NUP160: variants seen among roughly 807,000 people sequenced by gnomAD.
NUP160 encodes the protein nuclear pore complex protein Nup160.
Under a neutral mutation model 196.9 loss-of-function variants are expected in NUP160, and 94 were observed. The ratio of observed to expected loss-of-function variants is 0.48; its 90% CI spans 0.40 to 0.57. The LOEUF (loss-of-function observed/expected upper bound fraction) is 0.57. Ranked by LOEUF, NUP160 falls within the 20% of genes least tolerant of loss-of-function variation. The pLI is 0.00. For synonymous variants in NUP160, 605 were observed against 619.7 expected (o/e 0.98, Z 0.35); for missense variants, 1,638 against 1,748.3 (o/e 0.94, Z 1.13).
intron 3 of NUP160, 24 bp from the exon 4 acceptor site, chr11:47,840,089 A>G: frequency 3.9e-6 from 6 of 1,553,798 alleles, no homozygotes; most frequent in Non-Finnish European, 5.3e-6. Context: ...AAAAAGAAAA[A>G]TCTATTAAAT....
chr11:47,815,906 G>C, intron 12 of NUP160, 40 bp downstream of exon 12: 4 of 1,480,806 alleles, frequency 2.7e-6, no homozygotes, highest in Non-Finnish European at 3.8e-6. Context: ...CCTATATCAA[G>C]ATGGAAGGAA....
At chr11:47,817,965 G>C (rs1851772112) in intron 11 of NUP160, 91 bp downstream of exon 11, 1 of 677,166 alleles carries the variant, frequency 1.5e-6, no homozygotes, top group Admixed American at 2.6e-5. Context: ...AGTACATTCA[G>C]TGTTTAATAT....
intron 2 of NUP160, chr11:47,841,409 A>G (rs1384595095): frequency 1.1e-5 from 5 of 465,390 alleles, no homozygotes; most frequent in Non-Finnish European, 2.1e-5. Context: ...AACCGCTCAG[A>G]ATTCATCTCC....
chr11:47,837,996 C>T (rs1852209187), intron 4 of NUP160, among the ~76,000 whole-genome samples: 2 of 152,190 alleles, frequency 1.3e-5, no homozygotes, highest in Admixed American at 1.3e-4. Flanking sequence ...TCCTGTCCTC[C>T]TGGAACTTAT....
chr11:47,779,123 T>C (rs1180972546), exon 36 of NUP160: 1 of 1,613,472 alleles, frequency 6.2e-7, no homozygotes, highest in Non-Finnish European at 8.5e-7. Context: ...TCCGACGATA[T>C]AATAAATCCC....
At chr11:47,814,949 G>GGCC (rs1181380762) in intron 13 of NUP160, 1 of 152,174 alleles carries the variant, frequency 6.6e-6, no homozygotes, top group Non-Finnish European at 1.5e-5. Context: ...AAAGTAAATA[G>GGCC]GCCGGGTGTG....
chr11:47,825,057 G>T (rs1045986996), intron 7 of NUP160, among the ~76,000 whole-genome samples: 1 of 151,972 alleles, frequency 6.6e-6, no homozygotes, highest in Non-Finnish European at 1.5e-5. Context: ...GGATAGTCTC[G>T]ATCTTCTGAC....
exon 26 of NUP160, chr11:47,797,994 A>C: frequency 6.3e-7 from 1 of 1,576,556 alleles, no homozygotes; most frequent in African/African-American, 1.4e-5. Context: ...ATGCAGATTC[A>C]CATAGGGAAA....
intron 17 of NUP160, among the ~76,000 whole-genome samples, chr11:47,809,957 A>G (rs750020981): frequency 6.6e-6 from 1 of 152,070 alleles, no homozygotes; most frequent in Non-Finnish European, 1.5e-5. Flanking sequence ...CTGGGTAGAA[A>G]ATTATAAATT....
chr11:47,779,141 C>CT lies in NUP160; in HGVS notation c.4274dup (p.Ala1426GlyfsTer18). Reference sequence around the variant, plus strand: ...GACGATATAATAAATCCCGTGTTGCCTTATCAACTTTTTGCTGGTAGTCCT... The same window carrying CT: ...GACGATATAATAAATCCCGTGTTGCCTTTATCAACTTTTTGCTGGTAGTCCT... On this transcript the variant is annotated frameshift_variant, in exon 36 of 36. Transcript: ENST00000378460. LOFTEE classifies it high-confidence loss of function. 3 of 1,613,798 alleles carry CT rather than the reference C, an allele frequency of 1.9e-6. No homozygotes were observed. Among genetic ancestry groups the CT allele is most frequent in the Non-Finnish European group, 2.5e-6 (3 of 1,179,834 alleles).
chr11:47,792,477 A>T (rs574883692), intron 28 of NUP160: 14 of 279,574 alleles, frequency 5.0e-5, no homozygotes, highest in African/African-American at 3.1e-4. Flanking sequence ...ACAATCCTAT[A>T]AAGTAGATAT....
At chr11:47,806,790 TAC>T (rs57141346) in intron 19 of NUP160, among the ~76,000 whole-genome samples, 4,083 of 111,370 alleles carry the variant, frequency 0.037, 111 homozygotes, top group South Asian at 0.054. Flanking sequence ...AAAGCAGCTA[TAC>T]ACACACACAC....
At chr11:47,847,450 C>T (rs1487861597) in intron 2 of NUP160, among the ~76,000 whole-genome samples, 2 of 152,068 alleles carry the variant, frequency 1.3e-5, no homozygotes, top group Admixed American at 6.6e-5. Flanking sequence ...ATGAAAATTG[C>T]AGTTTTGTTC....
chr11:47,783,236 C>G lies in NUP160; in HGVS notation c.3991-38G>C, dbSNP rs779598769. 3.7e-6 allele frequency: 6 copies of G among 1,602,000 alleles called. No homozygotes were observed. The South Asian group carries it at 6.7e-5, about 18-fold the overall frequency. On this transcript the variant is annotated intron_variant, in intron 33 of 35. Transcript: ENST00000378460. ...AGTGATTAAGAATATGTACCTATTT[C>G]CCTCCTACTTGAGTACTGACCAAAG...
intron 32 of NUP160, among the ~76,000 whole-genome samples, chr11:47,785,905 G>A (rs919520680): frequency 6.6e-6 from 1 of 152,230 alleles, no homozygotes; most frequent in African/African-American, 2.4e-5. Flanking sequence ...TTCAGAAAGG[G>A]AAGTTTACTG....
chr11:47,795,448 T>TA (rs2097670357), intron 27 of NUP160, among the ~76,000 whole-genome samples: 1 of 152,164 alleles, frequency 6.6e-6, no homozygotes, highest in African/African-American at 2.4e-5. Context: ...AAATAAAGAA[T>TA]ATGCAAATAT....
intron 18 of NUP160, 63 bp from the exon 19 acceptor site, chr11:47,807,203 GCT>G (rs1316246396): frequency 1.0e-6 from 1 of 998,186 alleles, no homozygotes; most frequent in African/African-American, 1.6e-5. Flanking sequence ...ACTTCTACAA[GCT>G]CTTCTACGAA....
At chr11:47,785,566 C>T (rs1341199229) in intron 32 of NUP160, among the ~76,000 whole-genome samples, 1 of 152,218 alleles carries the variant, frequency 6.6e-6, no homozygotes, top group Non-Finnish European at 1.5e-5. Flanking sequence ...TCCTCTCCCA[C>T]TAACGTATTT....
chr11:47,841,838 C>A (rs552627232), intron 2 of NUP160, among the ~76,000 whole-genome samples: 2 of 152,114 alleles, frequency 1.3e-5, no homozygotes, highest in East Asian at 3.9e-4. Context: ...CAGGTGTGCA[C>A]CACCACACCT....
Sources: allele counts gnomAD v4.1 joint callset (sites outside exome capture counted in the v4.1 genomes callset), GRCh38; gene constraint gnomAD v4.1.1; transcripts MANE v1.5; gene names NCBI Gene and HGNC (gene_info 2026-07-23, HGNC 2026-07-21).